Variants in FILIP1L observed in about 807,000 individuals in gnomAD.
FILIP1L encodes the protein filamin A interacting protein 1 like, also known as filamin A-interacting protein 1-like.
Under a neutral mutation model 96.6 loss-of-function variants are expected in FILIP1L, and 55 were observed. The ratio of observed to expected loss-of-function variants is 0.57; its 90% confidence interval spans 0.46 to 0.71. The LOEUF (loss-of-function observed/expected upper bound fraction) is 0.71, where lower values mean the gene tolerates loss of function less well. Ranked by LOEUF, FILIP1L falls within the 30% of genes least tolerant of loss-of-function variation. The pLI is 0.00. For synonymous variants in FILIP1L, 467 were observed against 473.9 expected (o/e 0.99, Z 0.19); for missense variants, 1,304 against 1,321.2 (o/e 0.99, Z 0.20).
At chr3:100,028,473 A>G (rs2064966541) in intron 1 of FILIP1L, among the ~76,000 whole-genome samples, 1 of 152,168 alleles carries the variant, frequency 6.6e-6, no homozygotes, top group Non-Finnish European at 1.5e-5. Context: ...TAAGTTTAAT[A>G]TTCATTCTTA....
chr3:100,084,019 T>C (rs1576036385), intron 1 of FILIP1L, among the ~76,000 whole-genome samples: 1 of 152,210 alleles, frequency 6.6e-6, no homozygotes, highest in Admixed American at 6.5e-5. Flanking sequence ...ATTTGTGTTA[T>C]TTCTTCCTTT....
chr3:100,065,249 C>G (rs1452159029), intron 1 of FILIP1L, among the ~76,000 whole-genome samples: 2 of 152,070 alleles, frequency 1.3e-5, no homozygotes, highest in Non-Finnish European at 2.9e-5. Context: ...TTAATTAGCT[C>G]CTATGTTTTA....
chr3:99,931,316 T>C (rs1707476145), intron 1 of FILIP1L, among the ~76,000 whole-genome samples: 7 of 152,160 alleles, frequency 4.6e-5, no homozygotes, highest in Non-Finnish European at 1.5e-5. Flanking sequence ...CCCCAAGCAT[T>C]CCACCTCAGG....
chr3:99,963,697 G>A (rs1213704489), intron 1 of FILIP1L, among the ~76,000 whole-genome samples: 2 of 151,384 alleles, frequency 1.3e-5, no homozygotes, highest in East Asian at 1.9e-4. Flanking sequence ...CTGCAGCCTC[G>A]CCTCCAGGGT....
At chr3:99,955,116 C>T (rs1164975376) in intron 1 of FILIP1L, among the ~76,000 whole-genome samples, 4 of 152,196 alleles carry the variant, frequency 2.6e-5, no homozygotes, top group Admixed American at 6.5e-5. Flanking sequence ...AGTGATTACA[C>T]AAGTGGTTTC....
chr3:99,902,363 T>C (rs1185150369), intron 4 of FILIP1L, among the ~76,000 whole-genome samples: 1 of 152,326 alleles, frequency 6.6e-6, no homozygotes, highest in Non-Finnish European at 1.5e-5. Context: ...TGAACAGATA[T>C]TCAACTCATT....
At chr3:99,969,315 A>G (rs1708746784) in intron 1 of FILIP1L, among the ~76,000 whole-genome samples, 1 of 152,238 alleles carries the variant, frequency 6.6e-6, no homozygotes, top group African/African-American at 2.4e-5. Flanking sequence ...GCTCTTGAGC[A>G]ATATGACAGT....
chr3:99,932,487 T>A (rs1707514863), intron 1 of FILIP1L, among the ~76,000 whole-genome samples: 1 of 152,224 alleles, frequency 6.6e-6, no homozygotes, highest in African/African-American at 2.4e-5. Context: ...TTTGAATATT[T>A]TTTTTTCAGT....
At chr3:100,033,168 A>C (rs1262056049) in intron 1 of FILIP1L, among the ~76,000 whole-genome samples, 1 of 152,188 alleles carries the variant, frequency 6.6e-6, no homozygotes, top group Non-Finnish European at 1.5e-5. Flanking sequence ...TAATGGAATT[A>C]TTTTGGCCCC....
intron 1 of FILIP1L, among the ~76,000 whole-genome samples, chr3:99,933,391 G>A (rs984763758): frequency 6.6e-6 from 1 of 152,194 alleles, no homozygotes; most frequent in African/African-American, 2.4e-5. Flanking sequence ...GGATATTTTT[G>A]TGTAGGAATG....
At chr3:100,081,295 C>G (rs2065928227) in intron 1 of FILIP1L, among the ~76,000 whole-genome samples, 1 of 152,146 alleles carries the variant, frequency 6.6e-6, no homozygotes, top group South Asian at 2.1e-4. Context: ...AACAAATCAC[C>G]TTTCATGTAA....
rs144561092 is a variant in FILIP1L at position 99,849,030 on chromosome 3, G to C, written c.2646C>G (p.Pro882=). Reference sequence around the variant, plus strand: ...CTCCAGGTTGCACAAAGTTGGCATTGGGTTTAGTTTGCATTTTTCCATTCT... The same window carrying C: ...CTCCAGGTTGCACAAAGTTGGCATTCGGTTTAGTTTGCATTTTTCCATTCT... ...HLQNGKMQTK[P]NANFVQPGDL... is the part of the protein sequence containing the mutation. The change falls in exon 5 of 6, where the codon CCC becomes CCG. Residue 882 remains proline (P), a synonymous_variant. Coordinates refer to ENST00000477258, the MANE Select transcript of FILIP1L (RefSeq NM_001387850.1). 6.6e-5 allele frequency: 107 copies of C among 1,614,096 alleles called. 1 individual carries two copies. In the East Asian group the frequency reaches 2.3e-3, roughly 34 times the overall value.
chr3:99,890,516 C>T (rs1305218810), intron 4 of FILIP1L, among the ~76,000 whole-genome samples: 1 of 152,098 alleles, frequency 6.6e-6, no homozygotes, highest in Non-Finnish European at 1.5e-5. Context: ...TCTTTATCTT[C>T]ACATCCCTTA....
chr3:100,103,832 A>G (rs2066349619), intron 1 of FILIP1L, among the ~76,000 whole-genome samples: 2 of 152,220 alleles, frequency 1.3e-5, no homozygotes, highest in South Asian at 4.1e-4. Flanking sequence ...ATCCTAAAGA[A>G]AAGAGTCTAT....
chr3:100,045,361 G>A (rs2065262634), intron 1 of FILIP1L, among the ~76,000 whole-genome samples: 1 of 152,188 alleles, frequency 6.6e-6, no homozygotes, highest in Non-Finnish European at 1.5e-5. Flanking sequence ...CTCTGAGTTA[G>A]CACTAATTGA....
chr3:99,946,941 C>A (rs566622943), intron 1 of FILIP1L, among the ~76,000 whole-genome samples: 1 of 152,068 alleles, frequency 6.6e-6, no homozygotes, highest in South Asian at 2.1e-4. Context: ...TCAAGACCAG[C>A]CTGGCCAACA....
chr3:100,006,980 A>C (rs9874884), intron 1 of FILIP1L, among the ~76,000 whole-genome samples: 1,770 of 152,326 alleles, frequency 0.012, 28 homozygotes, highest in Middle Eastern at 0.037. Flanking sequence ...TTTGTCCAAA[A>C]CTTGAGCATA....
intron 1 of FILIP1L, among the ~76,000 whole-genome samples, chr3:100,063,435 A>G (rs2065608335): frequency 6.6e-6 from 1 of 152,120 alleles, no homozygotes; most frequent in Admixed American, 6.5e-5. Context: ...TATTATCTGA[A>G]TAGCTTTTTA....
intron 1 of FILIP1L, among the ~76,000 whole-genome samples, chr3:100,061,979 C>T (rs2065574644): frequency 6.6e-6 from 1 of 151,994 alleles, no homozygotes; most frequent in East Asian, 1.9e-4. Flanking sequence ...GACTACTACC[C>T]ATCTCCACAA....
Sources: gnomAD v4.1 joint callset for allele counts (sites outside exome capture counted in the v4.1 genomes callset) on GRCh38, gnomAD v4.1.1 for gene constraint, MANE v1.5 for transcripts, NCBI Gene and HGNC (gene_info 2026-07-23, HGNC 2026-07-21) for gene names.